The following PDE1C variants were observed in gnomAD, a reference collection of about 807,000 sequenced individuals.
The protein encoded by PDE1C is phosphodiesterase 1C.
A neutral mutation model predicts 93.1 loss-of-function variants in PDE1C; 62 were observed. The observed-to-expected ratio is 0.67, with a 90% CI of 0.54 to 0.82. PDE1C has a LOEUF of 0.82. PDE1C is among the 40% of genes least tolerant of loss of function. PDE1C has a pLI of 0.00. For missense variants in PDE1C, 742 were observed against 884.6 expected (o/e 0.84, Z 2.04); for synonymous variants, 325 against 310.1 (o/e 1.05, Z -0.50).
At chr7:32,323,712 C>A (rs948432945) in intron 1 of PDE1C, among the ~76,000 whole-genome samples, 1 of 152,172 alleles carries the variant, frequency 6.6e-6, no homozygotes, top group African/African-American at 2.4e-5. Flanking sequence ...GGAAAGGAAA[C>A]TCCTGAGTTC....
chr7:31,854,795 G>A (rs1031006970), intron 7 of PDE1C, among the ~76,000 whole-genome samples: 1 of 152,208 alleles, frequency 6.6e-6, no homozygotes, highest in African/African-American at 2.4e-5. Context: ...GGCCTGGCGA[G>A]GTGCCTCATG....
At chr7:32,023,809 G>A (rs1310770440) in intron 2 of PDE1C, among the ~76,000 whole-genome samples, 1 of 152,088 alleles carries the variant, frequency 6.6e-6, no homozygotes, top group South Asian at 2.1e-4. Context: ...TACCATGATG[G>A]CACAGTAGAG....
intron 2 of PDE1C, among the ~76,000 whole-genome samples, chr7:31,917,962 T>C (rs1802137940): frequency 6.6e-6 from 1 of 152,202 alleles, no homozygotes; most frequent in South Asian, 2.1e-4. Flanking sequence ...TATTGAGTGC[T>C]ACCCACAACC....
upstream of PDE1C, among the ~76,000 whole-genome samples, chr7:32,303,101 G>A (rs931984557): frequency 6.6e-6 from 1 of 152,184 alleles, no homozygotes; most frequent in African/African-American, 2.4e-5. Context: ...GGAATTGTGA[G>A]AGGTAAAGAA....
chr7:31,748,554 T>A (rs1794054212), downstream of PDE1C, among the ~76,000 whole-genome samples: 1 of 152,258 alleles, frequency 6.6e-6, no homozygotes, highest in Non-Finnish European at 1.5e-5. Flanking sequence ...ATTCCACAGT[T>A]ATTATCACTT....
At chr7:31,679,529 G>A in the PDE1C span, among the ~76,000 whole-genome samples, 1 of 152,186 alleles carries the variant, frequency 6.6e-6, no homozygotes, top group Non-Finnish European at 1.5e-5. Context: ...TTCATAGAGA[G>A]TTAATGAACT....
At chr7:32,054,072 CT>C (rs1793732293) in intron 1 of PDE1C, among the ~76,000 whole-genome samples, 1 of 151,162 alleles carries the variant, frequency 6.6e-6, no homozygotes, top group Admixed American at 6.6e-5. Context: ...CTGGCAAGTG[CT>C]AAGGACAGAG....
intron 6 of PDE1C, among the ~76,000 whole-genome samples, chr7:31,872,052 G>A (rs148143805): frequency 6.6e-6 from 1 of 152,194 alleles, no homozygotes; most frequent in Non-Finnish European, 1.5e-5. Flanking sequence ...CCATAAAAAA[G>A]ATGAAATCAT....
the PDE1C span, among the ~76,000 whole-genome samples, chr7:31,722,538 T>A: frequency 6.6e-6 from 1 of 152,144 alleles, no homozygotes; most frequent in African/African-American, 2.4e-5. Flanking sequence ...ACACTGGGGC[T>A]ATGAGAGCTT....
In PDE1C at chr7:32,263,674, A is replaced by C. The variant is rs571992865; in HGVS notation, c.85+34977T>G. Among the ~76,000 whole-genome samples the C allele has an allele frequency of 2.6e-5, 4 of 152,316 alleles. No individual in the cohort carries two copies. In the East Asian group the frequency reaches 7.7e-4, roughly 29 times the overall value. ...TTGCATTTAATTGTCATGCCTCTTT[A>C]GCCCTATGTAATCAGGAGCATTTCC... is the stretch of plus-strand genomic sequence containing the variant. On this transcript the variant is annotated intron_variant, in intron 1 of 18. Coordinates refer to the PDE1C transcript ENST00000396193.
intron 1 of PDE1C, among the ~76,000 whole-genome samples, chr7:32,212,379 G>T (rs893301870): frequency 6.6e-6 from 1 of 152,160 alleles, no homozygotes; most frequent in East Asian, 1.9e-4. Flanking sequence ...CAAGAATCAG[G>T]ATCCAGACCA....
the PDE1C span, among the ~76,000 whole-genome samples, chr7:31,628,087 G>A: frequency 6.6e-6 from 1 of 152,342 alleles, no homozygotes; most frequent in Non-Finnish European, 1.5e-5. Context: ...TGGAGCCTGT[G>A]AAAGTTGGAG....
chr7:32,027,744 A>AG (rs1789680150), intron 2 of PDE1C, among the ~76,000 whole-genome samples: 1 of 151,512 alleles, frequency 6.6e-6, no homozygotes, highest in Non-Finnish European at 1.5e-5. Context: ...ATGACTGCAA[A>AG]AAAAAAAACT....
intron 1 of PDE1C, among the ~76,000 whole-genome samples, chr7:32,315,244 G>C (rs1352561651): frequency 2.0e-5 from 3 of 151,944 alleles, no homozygotes; most frequent in Non-Finnish European, 4.4e-5. Context: ...TAAATCAGAT[G>C]TTGCAAACTG....
chr7:31,868,941 A>C (rs1486558829), intron 6 of PDE1C, among the ~76,000 whole-genome samples: 7 of 152,036 alleles, frequency 4.6e-5, no homozygotes, highest in Non-Finnish European at 8.8e-5. Context: ...ATATTGAGCA[A>C]AGGTATGCTT....
intron 2 of PDE1C, among the ~76,000 whole-genome samples, chr7:32,003,016 T>C (rs577563348): frequency 6.6e-6 from 1 of 152,238 alleles, no homozygotes; most frequent in African/African-American, 2.4e-5. Context: ...TGAGGTCTAC[T>C]AATATACTAA....
At chr7:32,202,956 T>C (rs747175466) in intron 2 of PDE1C, among the ~76,000 whole-genome samples, 2 of 152,142 alleles carry the variant, frequency 1.3e-5, no homozygotes, top group Non-Finnish European at 2.9e-5. Context: ...TCTTACATAA[T>C]AGAAACTTTA....
chr7:32,388,678 TAAAAAAAA>T (rs5883343), intron 1 of PDE1C, among the ~76,000 whole-genome samples: 1 of 81,590 alleles, frequency 1.2e-5, no homozygotes, highest in Non-Finnish European at 2.1e-5. Flanking sequence ...GTCCCATTTC[TAAAAAAAA>T]AAAAAAAAAA....
At chr7:31,651,924 A>C in the PDE1C span, 1 of 1,557,304 alleles carries the variant, frequency 6.4e-7, no homozygotes, top group Non-Finnish European at 8.7e-7. Flanking sequence ...GTTATTTTCT[A>C]TTATTTACTT....
Sources: allele counts gnomAD v4.1 joint callset (sites outside exome capture counted in the v4.1 genomes callset), GRCh38; gene constraint gnomAD v4.1.1; transcripts MANE v1.5; gene names NCBI Gene and HGNC (gene_info 2026-07-23, HGNC 2026-07-21).